The following TAFA1 variants were observed in gnomAD, a reference collection of about 807,000 sequenced individuals.
TAFA1 encodes chemokine-like protein TAFA-1.
A neutral mutation model predicts 18.5 loss-of-function variants in TAFA1; 4 were observed. The ratio of observed to expected loss-of-function variants is 0.22; its 90% CI spans 0.11 to 0.49. The LOEUF (loss-of-function observed/expected upper bound fraction) is 0.49. TAFA1 is among the 20% of genes least tolerant of loss of function. The pLI, the probability that TAFA1 is intolerant of heterozygous loss-of-function variation, is 0.98. For synonymous variants in TAFA1, 56 were observed against 55.2 expected, an observed-to-expected ratio of 1.01 and a Z score of -0.06; for missense variants, 147 against 169.0, an observed-to-expected ratio of 0.87 and a Z score of 0.72.
At chr3:68,537,202 A>AG (rs1559710513) in intron 3 of TAFA1, among the ~76,000 whole-genome samples, 14 of 152,182 alleles carry the variant, frequency 9.2e-5, no homozygotes. Flanking sequence ...AATTAAGTGT[A>AG]GGGGGCAAAG....
intron 2 of TAFA1, among the ~76,000 whole-genome samples, chr3:68,266,944 T>C (rs1453110121): frequency 3.3e-5 from 3 of 89,960 alleles, no homozygotes; most frequent in African/African-American, 1.8e-4. Context: ...CAAAAGAACC[T>C]TCGGTGGACT....
chr3:68,282,442 CA>C (rs1262391755), intron 2 of TAFA1, among the ~76,000 whole-genome samples: 2 of 152,162 alleles, frequency 1.3e-5, no homozygotes, highest in East Asian at 3.9e-4. Flanking sequence ...CTCTAAGTAA[CA>C]GTAAAACACA....
intron 3 of TAFA1, among the ~76,000 whole-genome samples, chr3:68,464,352 G>C (rs904276532): frequency 6.6e-6 from 1 of 152,208 alleles, no homozygotes; most frequent in African/African-American, 2.4e-5. Flanking sequence ...ACCAGGTAGA[G>C]AGAGAGTTGG....
At chr3:68,352,093 G>A (rs898028992) in intron 2 of TAFA1, among the ~76,000 whole-genome samples, 2 of 151,922 alleles carry the variant, frequency 1.3e-5, no homozygotes, top group Admixed American at 6.6e-5. Context: ...GGAAAGTAAG[G>A]GTCTGAAGGA....
intron 2 of TAFA1, among the ~76,000 whole-genome samples, chr3:68,215,793 C>T (rs1487663658): frequency 6.6e-6 from 1 of 152,030 alleles, no homozygotes; most frequent in Non-Finnish European, 1.5e-5. Context: ...TATGATCCAG[C>T]AGTCACACTC....
intron 2 of TAFA1, among the ~76,000 whole-genome samples, chr3:68,113,664 A>G (rs1023065703): frequency 1.3e-4 from 20 of 152,324 alleles, no homozygotes; most frequent in African/African-American, 4.6e-4. Flanking sequence ...AAAGGTTTGT[A>G]TAAAGACCCT....
At chr3:68,423,495 C>T (rs1364911011) in intron 3 of TAFA1, among the ~76,000 whole-genome samples, 1 of 152,048 alleles carries the variant, frequency 6.6e-6, no homozygotes, top group Non-Finnish European at 1.5e-5. Flanking sequence ...TTATAAGATG[C>T]AAAATATCTG....
intron 2 of TAFA1, among the ~76,000 whole-genome samples, chr3:68,408,388 C>A (rs780946455): frequency 6.6e-6 from 1 of 152,152 alleles, no homozygotes; most frequent in Non-Finnish European, 1.5e-5. Context: ...ATGACTCGAT[C>A]CCCAACCAAA....
chr3:68,055,969 T>G (rs2064532045), intron 2 of TAFA1, among the ~76,000 whole-genome samples: 1 of 152,070 alleles, frequency 6.6e-6, no homozygotes, highest in African/African-American at 2.4e-5. Flanking sequence ...GAACCCTGGG[T>G]TGGTGTTCAG....
intron 2 of TAFA1, among the ~76,000 whole-genome samples, chr3:68,123,361 T>G (rs1472122989): frequency 1.3e-5 from 2 of 152,006 alleles, no homozygotes; most frequent in South Asian, 2.1e-4. Flanking sequence ...TGTTGTCCAA[T>G]AAAAACACAC....
chr3:68,379,942 A>G (rs545887940), intron 2 of TAFA1, among the ~76,000 whole-genome samples: 7 of 151,304 alleles, frequency 4.6e-5, no homozygotes, highest in East Asian at 2.0e-4. Context: ...ACAGTCCCCA[A>G]TGTGTGATGT....
intron 2 of TAFA1, among the ~76,000 whole-genome samples, chr3:68,215,081 G>A (rs1300580017): frequency 6.6e-6 from 1 of 152,016 alleles, no homozygotes; most frequent in African/African-American, 2.4e-5. Context: ...CATTAGCCCA[G>A]TATGCTAAGG....
intron 2 of TAFA1, among the ~76,000 whole-genome samples, chr3:68,310,859 T>G (rs1027785896): frequency 6.6e-6 from 1 of 151,274 alleles, no homozygotes; most frequent in Non-Finnish European, 1.5e-5. Context: ...TTCAGAGAAT[T>G]TTTTTTTAGT....
In TAFA1 at chr3:68,512,680, T is replaced by TTTTG. The variant is rs60422556; in HGVS notation, c.260-26036_260-26033dup. Among the ~76,000 whole-genome samples, 938 of 150,900 alleles carry TTTTG rather than the reference T, an allele frequency of 6.2e-3. 6 individuals are homozygous for TTTTG. The highest frequency in any genetic ancestry group is 0.021 in the Middle Eastern group (6 of 292). On this transcript the variant is annotated intron_variant, in intron 3 of 4. Transcript: ENST00000478136. Reference sequence around the variant, plus strand: ...AGTTCTGGGTGGTTTTTTGCTGGTTTTTTGTTTGTTTGTTTGTTTGTTTGT... The same window carrying TTTTG: ...AGTTCTGGGTGGTTTTTTGCTGGTTTTTTGTTTGTTTGTTTGTTTGTTTGTTTGT...
intron 2 of TAFA1, among the ~76,000 whole-genome samples, chr3:68,397,911 T>G (rs537343738): frequency 6.6e-6 from 1 of 152,294 alleles, no homozygotes; most frequent in African/African-American, 2.4e-5. Context: ...TTTGTTACAA[T>G]TGCTTTTGGT....
chr3:68,345,250 T>G (rs1053814062), intron 2 of TAFA1, among the ~76,000 whole-genome samples: 1 of 152,146 alleles, frequency 6.6e-6, no homozygotes. Context: ...CACAATGGAC[T>G]GGAATGAAAG....
At chr3:68,277,282 G>A (rs1021260662) in intron 2 of TAFA1, among the ~76,000 whole-genome samples, 1 of 152,104 alleles carries the variant, frequency 6.6e-6, no homozygotes, top group African/African-American at 2.4e-5. Flanking sequence ...TAACTTAAAC[G>A]TTAAGGATAT....
At chr3:68,351,685 G>A (rs2069273571) in intron 2 of TAFA1, among the ~76,000 whole-genome samples, 1 of 151,926 alleles carries the variant, frequency 6.6e-6, no homozygotes, top group African/African-American at 2.4e-5. Flanking sequence ...CAATTTAAGG[G>A]AGAAGACAAA....
chr3:68,473,566 G>C (rs34778733), intron 3 of TAFA1, among the ~76,000 whole-genome samples: 65,736 of 151,942 alleles, frequency 0.43, 14,842 homozygotes, highest in Non-Finnish European at 0.48. Context: ...TGCTGCCAGA[G>C]AGCAACAGCC....
Sources: allele counts gnomAD v4.1 joint callset (sites outside exome capture counted in the v4.1 genomes callset), GRCh38; gene constraint gnomAD v4.1.1; transcripts MANE v1.5; gene names NCBI Gene and HGNC (gene_info 2026-07-23, HGNC 2026-07-21).